The following TMPRSS9 variants were observed in gnomAD, a reference collection of about 807,000 sequenced individuals.
TMPRSS9 encodes the protein transmembrane protease serine 9.
Under a neutral mutation model 111.4 loss-of-function variants are expected in TMPRSS9, and 113 were observed. The observed-to-expected ratio is 1.01, with a 90% CI of 0.87 to 1.19. The LOEUF (loss-of-function observed/expected upper bound fraction) is 1.19, where lower values mean the gene tolerates loss of function less well. TMPRSS9 is among the 50% of genes most tolerant of loss of function. TMPRSS9 has a pLI of 0.00. For missense variants in TMPRSS9, 1,803 were observed against 1,513.1 expected (o/e 1.19, Z -3.18); for synonymous variants, 805 against 659.1 (o/e 1.22, Z -3.39).
At chr19:2,403,426 G>A (rs1970898090) in intron 6 of TMPRSS9, among the ~76,000 whole-genome samples, 1 of 152,138 alleles carries the variant, frequency 6.6e-6, no homozygotes, top group Admixed American at 6.6e-5. Flanking sequence ...GGGAGAGGAG[G>A]GAGAAGATAT....
At chr19:2,416,508 C>A in intron 11 of TMPRSS9, 30 bp from the exon 13 acceptor site, 1 of 1,586,132 alleles carries the variant, frequency 6.3e-7, no homozygotes, top group Non-Finnish European at 8.6e-7. Context: ...TGCTGGAGGG[C>A]AGGCATGTCT....
In TMPRSS9 at chr19:2,425,977, G is replaced by GCTAA. The variant is rs765283034; in HGVS notation, c.3174_3177dup (p.Gly1060AsnfsTer5). 5.0e-6 allele frequency: 8 copies of GCTAA among 1,608,026 alleles called. No individual in the cohort carries two copies. The highest frequency in any genetic ancestry group is 2.2e-5 in the East Asian group (1 of 44,758). ...GCAGGGAGCCCTCTGGACGGTGGGTGCTAACTGGGGTCACTAGCTGGGGCT... is the reference window on the plus strand; with the variant it reads ...GCAGGGAGCCCTCTGGACGGTGGGTGCTAACTAACTGGGGTCACTAGCTGGGGCT... On this transcript the variant is annotated frameshift_variant, in exon 18 of 18. Transcript: ENST00000648592. LOFTEE classifies it low-confidence loss of function (END_TRUNC).
At chr19:2,417,476 AAAAAAAATAG>A (rs1971272877) in intron 12 of TMPRSS9, among the ~76,000 whole-genome samples, 1 of 151,534 alleles carries the variant, frequency 6.6e-6, no homozygotes, top group African/African-American at 2.4e-5. Context: ...CAAAAAAAAA[AAAAAAAATAG>A]AAAAATAAAA....
At chr19:2,419,522 C>CT (rs796669347) in intron 13 of TMPRSS9, among the ~76,000 whole-genome samples, 8,130 of 131,338 alleles carry the variant, frequency 0.062, 803 homozygotes, top group African/African-American at 0.21. Flanking sequence ...TTTCTTTTTC[C>CT]TTTTTTTTTT....
intron 1 of TMPRSS9, among the ~76,000 whole-genome samples, chr19:2,375,560 A>C (rs1370946609): frequency 4.0e-3 from 499 of 123,354 alleles, no homozygotes; most frequent in African/African-American, 0.014. Context: ...GAGGGGTGGG[A>C]ACTGTGATTG....
chr19:2,391,369 T>TTTTTTC (rs1379478990), intron 1 of TMPRSS9, among the ~76,000 whole-genome samples: 2 of 150,512 alleles, frequency 1.3e-5, no homozygotes, highest in Non-Finnish European at 3.0e-5. Flanking sequence ...TAGGTTTTTT[T>TTTTTTC]TTTTCTTTTT....
At chr19:2,382,670 C>T (rs966953066) in intron 1 of TMPRSS9, among the ~76,000 whole-genome samples, 8 of 127,242 alleles carry the variant, frequency 6.3e-5, no homozygotes, top group East Asian at 2.9e-4. Context: ...CACATGCACA[C>T]GTGCACACAT....
chr19:2,401,142 C>G (rs10414112), intron 4 of TMPRSS9, among the ~76,000 whole-genome samples: 2 of 151,778 alleles, frequency 1.3e-5, no homozygotes, highest in African/African-American at 2.4e-5. Context: ...GGCGTGGTGG[C>G]GGGCGCCTGT....
At chr19:2,415,167 A>C (rs1294244978) in intron 10 of TMPRSS9, among the ~76,000 whole-genome samples, 1 of 151,686 alleles carries the variant, frequency 6.6e-6, no homozygotes, top group Non-Finnish European at 1.5e-5. Flanking sequence ...CTGGTCTCGA[A>C]CTCCTGACCT....
chr19:2,417,333 A>G (rs1204823218), intron 12 of TMPRSS9, among the ~76,000 whole-genome samples: 2 of 151,856 alleles, frequency 1.3e-5, no homozygotes, highest in Non-Finnish European at 2.9e-5. Flanking sequence ...GGGTGTGGTG[A>G]TGCATGCCTG....
At chr19:2,413,195 A>T (rs1270794847) in intron 9 of TMPRSS9, among the ~76,000 whole-genome samples, 3 of 152,110 alleles carry the variant, frequency 2.0e-5, no homozygotes, top group African/African-American at 7.2e-5. Flanking sequence ...ACTCTATCTC[A>T]AAAACAAAAA....
intron 13 of TMPRSS9, among the ~76,000 whole-genome samples, chr19:2,420,441 CAA>C (rs575760141): frequency 0.096 from 10,171 of 105,926 alleles, 435 homozygotes; most frequent in East Asian, 0.27. Context: ...GACTCCACCT[CAA>C]AAAAAAAAAA....
At chr19:2,390,918 C>T (rs1970575461) in intron 1 of TMPRSS9, among the ~76,000 whole-genome samples, 1 of 151,394 alleles carries the variant, frequency 6.6e-6, no homozygotes, top group Non-Finnish European at 1.5e-5. Flanking sequence ...CCTGTAATCT[C>T]AACTTTTTGG....
intron 14 of TMPRSS9, among the ~76,000 whole-genome samples, 162 bp downstream of exon 15, chr19:2,422,409 C>T (rs917685074): frequency 1.3e-5 from 2 of 151,876 alleles, no homozygotes; most frequent in African/African-American, 4.8e-5. Context: ...GAAACCTTGT[C>T]TCTACTAAAA....
intron 15 of TMPRSS9, among the ~76,000 whole-genome samples, 158 bp from the exon 17 acceptor site, chr19:2,424,844 C>A (rs1024303239): frequency 6.6e-6 from 1 of 152,110 alleles, no homozygotes; most frequent in Admixed American, 6.5e-5. Context: ...GCCTCGGTGC[C>A]TGATGGGGGA....
At chr19:2,365,554 A>T (rs1970241412) in intron 1 of TMPRSS9, among the ~76,000 whole-genome samples, 1 of 151,946 alleles carries the variant, frequency 6.6e-6, no homozygotes, top group African/African-American at 2.4e-5. Flanking sequence ...GCGGAATCGA[A>T]TGGGATGGAC....
Position 2,363,777 on chromosome 19 carries a change from ACT to A in TMPRSS9, c.-26+3420_-26+3421del, listed in dbSNP as rs199563404. Among the ~76,000 whole-genome samples, 550 of 114,140 alleles carry A rather than the reference ACT, an allele frequency of 4.8e-3. 3 individuals carry two copies. Among genetic ancestry groups the A allele is most frequent in the African/African-American group, 0.014 (401 of 27,762 alleles). The allele number at this position is 114,140 out of a possible 152,430, so 74.9% of individuals were successfully genotyped here. A position where few individuals can be genotyped will look rare whatever the true frequency, so the allele number is the denominator to read the frequency against. ...TGGAGGAGTCACTAGAATTCCAAGA[ACT>A]CTGTGTGTGAGTGTGTGTGTGTGTG... On this transcript the variant is annotated intron_variant, in intron 1 of 17. Coordinates refer to the TMPRSS9 transcript ENST00000649857.
At chr19:2,360,486 G>C (rs1390047349) in intron 1 of TMPRSS9, among the ~76,000 whole-genome samples, 126 bp downstream of exon 1, 6 of 152,166 alleles carry the variant, frequency 3.9e-5, no homozygotes, top group Admixed American at 2.6e-4. Context: ...CGTGGCGGGA[G>C]TGTGTAGATG....
intron 1 of TMPRSS9, among the ~76,000 whole-genome samples, chr19:2,377,248 T>C (rs1394066331): frequency 1.0e-4 from 1 of 9,726 alleles, no homozygotes; most frequent in Non-Finnish European, 1.8e-4. Flanking sequence ...TTTTACTGTA[T>C]GTATGTATGT....
Sources: gnomAD v4.1 joint callset for allele counts (sites outside exome capture counted in the v4.1 genomes callset) on GRCh38, gnomAD v4.1.1 for gene constraint, MANE v1.5 for transcripts, NCBI Gene and HGNC (gene_info 2026-07-23, HGNC 2026-07-21) for gene names.